PLXDC1: variants seen among roughly 807,000 people sequenced by gnomAD.
PLXDC1 encodes the protein plexin domain-containing protein 1.
PLXDC1 carries 39 observed loss-of-function variants against 61.3 expected under a neutral mutation model. The ratio of observed to expected loss-of-function variants is 0.64; its 90% CI spans 0.49 to 0.83. The LOEUF (loss-of-function observed/expected upper bound fraction) is 0.83. Among genes scored for constraint, PLXDC1 ranks in the 40% least tolerant of loss-of-function variants. The pLI is 0.00. For synonymous variants in PLXDC1, 212 were observed against 254.5 expected, an observed-to-expected ratio of 0.83 and a Z score of 1.59; for missense variants, 596 against 666.5, an observed-to-expected ratio of 0.89 and a Z score of 1.17.
chr17:39,089,409 C>T (rs1274326316), intron 7 of PLXDC1, among the ~76,000 whole-genome samples: 1 of 152,142 alleles, frequency 6.6e-6, no homozygotes, highest in East Asian at 1.9e-4. Context: ...GCCACAGTAC[C>T]GGGCTCATGG....
intron 2 of PLXDC1, among the ~76,000 whole-genome samples, chr17:39,126,743 C>G (rs1192796737): frequency 6.6e-6 from 1 of 152,144 alleles, no homozygotes; most frequent in Non-Finnish European, 1.5e-5. Context: ...AAGTGCACAT[C>G]TTTGATATGT....
At chr17:39,078,376 C>T (rs993300419) in intron 10 of PLXDC1, among the ~76,000 whole-genome samples, 3 of 152,182 alleles carry the variant, frequency 2.0e-5, no homozygotes, top group African/African-American at 7.2e-5. Context: ...CAGGCCAATT[C>T]ATTAAACTTC....
intron 12 of PLXDC1, 83 bp from the exon 13 acceptor site, chr17:39,070,099 C>A: frequency 9.4e-7 from 1 of 1,059,980 alleles, no homozygotes; most frequent in South Asian, 1.6e-5. Context: ...CTAACAAAGT[C>A]TCAGAGATGA....
At chr17:39,090,494 G>A (rs532216105) in intron 7 of PLXDC1, among the ~76,000 whole-genome samples, 76 of 152,292 alleles carry the variant, frequency 5.0e-4, no homozygotes, top group African/African-American at 1.8e-3. Context: ...CTCGGCCCCC[G>A]GAGGGTGACC....
intron 2 of PLXDC1, among the ~76,000 whole-genome samples, chr17:39,129,489 C>T (rs532214563): frequency 6.6e-5 from 10 of 151,322 alleles, no homozygotes; most frequent in Non-Finnish European, 1.2e-4. Context: ...TGGTGGCACG[C>T]GCCTGTAGTC....
At chr17:39,110,438 G>A (rs1910757288) in intron 2 of PLXDC1, among the ~76,000 whole-genome samples, 1 of 152,232 alleles carries the variant, frequency 6.6e-6, no homozygotes, top group African/African-American at 2.4e-5. Flanking sequence ...CTGCAGAGGA[G>A]CACTTGGGCC....
Position 39,107,470 on chromosome 17 carries a change from C to T in PLXDC1, c.648G>A (p.Lys216=), listed in dbSNP as rs771869010. ...DHVYLQGWED[K]GSFTFQAALH... ...GAGCTGCCTGGAAGGTGAAACTGCC[C>T]TTGTCTTCCCAGCCTTGGAGATAAA... The change falls in exon 6 of 14, where the codon AAG becomes AAA. Residue 216 remains lysine (K), a synonymous_variant. Coordinates refer to ENST00000315392, the MANE Select transcript of PLXDC1 (RefSeq NM_020405.5). The T allele has an allele frequency of 1.9e-6, 3 of 1,614,128 alleles. No individual in the cohort carries two copies. The highest frequency in any genetic ancestry group is 2.2e-5 in the East Asian group (1 of 44,886).
At chr17:39,076,742 T>C (rs1040264381) in intron 11 of PLXDC1, among the ~76,000 whole-genome samples, 7 of 152,042 alleles carry the variant, frequency 4.6e-5, no homozygotes, top group Non-Finnish European at 8.8e-5. Context: ...TTGTGTTGTG[T>C]TGTGTTGTTC....
At chr17:39,072,680 G>A (rs377301950) in intron 11 of PLXDC1, 195 bp from the exon 12 acceptor site, 122 of 610,374 alleles carry the variant, frequency 2.0e-4, no homozygotes, top group Middle Eastern at 1.2e-3. Context: ...GTAAATGAGC[G>A]GGGACTGGTG....
intron 7 of PLXDC1, among the ~76,000 whole-genome samples, chr17:39,095,914 C>G (rs1598194437): frequency 6.6e-6 from 1 of 152,206 alleles, no homozygotes; most frequent in Non-Finnish European, 1.5e-5. Flanking sequence ...ATCCACCCGC[C>G]TCGGCCTCTC....
rs1169896147 is a variant in PLXDC1, at chr17:39,108,987, G to A, written c.400-14C>T. 1.2e-6 allele frequency: 2 copies of A among 1,602,514 alleles called. No homozygotes were observed. The highest frequency in any genetic ancestry group is 1.7e-6 in the Non-Finnish European group (2 of 1,169,958). On this transcript the variant is annotated splice_polypyrimidine_tract_variant and intron_variant, in intron 3 of 13. Transcript: ENST00000315392. The stretch of plus-strand genomic sequence containing the variant: ...CAAGACCACTCTCTGCAGGGGATGG[G>A]AGAAAGTCAGCACGGGCCAAGCTGC...
At chr17:39,076,091 G>GAAAAAAAAAAAAAAAA (rs113083788) in intron 11 of PLXDC1, among the ~76,000 whole-genome samples, 4 of 88,534 alleles carry the variant, frequency 4.5e-5, no homozygotes, top group Non-Finnish European at 4.8e-5. Flanking sequence ...AAAAAAAAAA[G>GAAAAAAAAAAAAAAAA]AAAAAAAAAA....
At chr17:39,125,609 GC>G (rs1911290659) in intron 2 of PLXDC1, among the ~76,000 whole-genome samples, 1 of 152,122 alleles carries the variant, frequency 6.6e-6, no homozygotes, top group Non-Finnish European at 1.5e-5. Flanking sequence ...CTGGTCCCAT[GC>G]TGGCCTATTT....
At chr17:39,147,357 T>C (rs1046101020) in intron 1 of PLXDC1, among the ~76,000 whole-genome samples, 4 of 151,718 alleles carry the variant, frequency 2.6e-5, no homozygotes, top group Non-Finnish European at 5.9e-5. Flanking sequence ...CCAAACCCCA[T>C]AAAACCTCTA....
At chr17:39,099,447 G>C (rs1910342284) in intron 7 of PLXDC1, among the ~76,000 whole-genome samples, 1 of 152,136 alleles carries the variant, frequency 6.6e-6, no homozygotes, top group African/African-American at 2.4e-5. Flanking sequence ...CCGACAGTGG[G>C]CTCAGTAATG....
chr17:39,063,909 C>T lies in PLXDC1; in HGVS notation c.*3931G>A, dbSNP rs1486653462. ...GAACTAGAGGAGAGAGAGCCTTAGC[C>T]TTGCCTGCAACCAGATGAATGGTTA... is the stretch of plus-strand genomic sequence containing the variant. On this transcript the variant is annotated 3_prime_UTR_variant, in exon 14 of 14. Coordinates refer to ENST00000315392, the MANE Select transcript of PLXDC1 (RefSeq NM_020405.5). 6 of 167,800 alleles carry T rather than the reference C, an allele frequency of 3.6e-5. No individual in the cohort carries two copies. Among genetic ancestry groups the T allele is most frequent in the Non-Finnish European group, 7.7e-5 (6 of 77,550 alleles). 10.4% of individuals were successfully genotyped at this position (167,800 alleles called of 1,614,324 possible).
chr17:39,132,953 C>T (rs1274946673), intron 2 of PLXDC1, among the ~76,000 whole-genome samples: 3 of 152,080 alleles, frequency 2.0e-5, no homozygotes, highest in Admixed American at 2.0e-4. Flanking sequence ...AGGAAGTGTT[C>T]CTGTTGAAAC....
At chr17:39,139,072 G>C (rs16501) in intron 2 of PLXDC1, among the ~76,000 whole-genome samples, 13,363 of 152,126 alleles carry the variant, frequency 0.088, 656 homozygotes, top group East Asian at 0.13. Flanking sequence ...AGGCTTCCAA[G>C]AGCCTCCCGG....
chr17:39,128,855 G>C, intron 2 of PLXDC1, among the ~76,000 whole-genome samples: 1 of 151,604 alleles, frequency 6.6e-6, no homozygotes, highest in East Asian at 2.0e-4. Context: ...CTAAAAGTAT[G>C]AAAAATTAGC....
Sources: allele counts gnomAD v4.1 joint callset (sites outside exome capture counted in the v4.1 genomes callset), GRCh38; gene constraint gnomAD v4.1.1; transcripts MANE v1.5; gene names NCBI Gene and HGNC (gene_info 2026-07-23, HGNC 2026-07-21).